The following RUNX1 variants were observed in gnomAD, a reference collection of about 807,000 sequenced individuals.
RUNX1 encodes the protein runt-related transcription factor 1.
In RUNX1, 19 loss-of-function variants were observed where a neutral mutation model predicts 42.8. The observed-to-expected ratio is 0.44, with a 90% CI of 0.31 to 0.65. The LOEUF (loss-of-function observed/expected upper bound fraction) is 0.65. Among genes scored for constraint, RUNX1 ranks in the 30% least tolerant of loss-of-function variants. RUNX1 has a pLI of 0.07. For missense variants in RUNX1, 528 were observed against 672.0 expected (o/e 0.79, Z 2.37); for synonymous variants, 271 against 289.4 (o/e 0.94, Z 0.64).
chr21:34,876,976 C>A (rs2057823223), intron 5 of RUNX1, among the ~76,000 whole-genome samples: 1 of 152,180 alleles, frequency 6.6e-6, no homozygotes, highest in African/African-American at 2.4e-5. Context: ...CCTGCCTCAT[C>A]CTCCTGAGTA....
At chr21:34,856,027 G>A (rs9984748) in intron 6 of RUNX1, among the ~76,000 whole-genome samples, 101 of 152,306 alleles carry the variant, frequency 6.6e-4, no homozygotes, top group African/African-American at 2.3e-3. Context: ...TAAGGGGCAG[G>A]TCCATTACTG....
intron 2 of RUNX1, among the ~76,000 whole-genome samples, chr21:34,968,796 T>C (rs1293804871): frequency 3.3e-5 from 5 of 152,254 alleles, no homozygotes; most frequent in African/African-American, 1.2e-4. Context: ...CCCTTTGTGA[T>C]TTGAAAGAAT....
intron 6 of RUNX1, among the ~76,000 whole-genome samples, chr21:34,856,017 T>C (rs1024833103): frequency 1.3e-5 from 2 of 152,238 alleles, no homozygotes; most frequent in Non-Finnish European, 2.9e-5. Flanking sequence ...TTTGATTTTC[T>C]AAGGGGCAGG....
At chr21:34,810,380 G>C (rs1195661473) in intron 7 of RUNX1, among the ~76,000 whole-genome samples, 5 of 152,180 alleles carry the variant, frequency 3.3e-5, no homozygotes. Flanking sequence ...AATAAAATCA[G>C]AAGAAAAACT....
chr21:34,924,123 A>G (rs149798049), intron 2 of RUNX1, among the ~76,000 whole-genome samples: 2 of 152,182 alleles, frequency 1.3e-5, no homozygotes, highest in South Asian at 2.1e-4. Context: ...CTCTTCCCCT[A>G]TGATGGCTAA....
intron 2 of RUNX1, among the ~76,000 whole-genome samples, chr21:34,937,418 A>G (rs1414110227): frequency 1.3e-5 from 2 of 151,286 alleles, no homozygotes; most frequent in East Asian, 1.9e-4. Context: ...AATCATGCCT[A>G]TAAGTTAATC....
At chr21:35,023,989 A>C (rs1223617586) in intron 2 of RUNX1, among the ~76,000 whole-genome samples, 3 of 150,308 alleles carry the variant, frequency 2.0e-5, no homozygotes, top group Non-Finnish European at 4.4e-5. Flanking sequence ...ACTAATTATA[A>C]ATATATATCA....
At chr21:34,900,064 A>C (rs1333524346) in intron 2 of RUNX1, among the ~76,000 whole-genome samples, 1 of 152,264 alleles carries the variant, frequency 6.6e-6, no homozygotes, top group Non-Finnish European at 1.5e-5. Flanking sequence ...AGTCATATAC[A>C]TAATTTAAGA....
At position 34,791,009 on chromosome 21, in the gene RUNX1, CCTT is replaced by C. The variant is rs1355387077; in HGVS notation, c.*1123_*1125del. 4.3e-6 allele frequency: 1 copy of C among 233,536 alleles called. No individual in the cohort carries two copies. The highest frequency in any genetic ancestry group is 5.6e-5 in the Admixed American group (1 of 17,782). The allele number at this position is 233,536 out of a possible 1,614,324, so 14.5% of individuals were successfully genotyped here. A position where few individuals can be genotyped will look rare whatever the true frequency, so the allele number is the denominator to read the frequency against. Reference sequence around the variant, plus strand: ...CCTCAACCCTCTGGAACTAGATTGACCTTCTCTGTTTTAAGGAGGAAGTTAGAT... The same window carrying C: ...CCTCAACCCTCTGGAACTAGATTGACCTCTGTTTTAAGGAGGAAGTTAGAT... On this transcript the variant is annotated 3_prime_UTR_variant, in exon 9 of 9. Transcript: ENST00000675419.
In RUNX1 at chr21:34,933,788, C is replaced by A. The variant is rs2146605601; in HGVS notation, c.59-40825G>T. 1.3e-5 allele frequency among the ~76,000 whole-genome samples: 2 copies of A among 152,308 alleles called. 1 individual carries two copies. The highest frequency in any genetic ancestry group is 4.1e-4 in the South Asian group (2 of 4,828). ...CTGGGAGTTTGTCTTGCTTCTGGGT[C>A]TGGGTGGCCTTGGAAATGGGGCAAA... On this transcript the variant is annotated intron_variant, in intron 2 of 8. Coordinates refer to ENST00000675419, the MANE Select transcript of RUNX1 (RefSeq NM_001754.5).
rs190841360 is a variant in RUNX1 at position 34,971,167 on chromosome 21, G to C, written c.58+77675C>G. On this transcript the variant is annotated intron_variant, in intron 2 of 8. Coordinates refer to ENST00000675419, the MANE Select transcript of RUNX1 (RefSeq NM_001754.5). Reference sequence around the variant, plus strand: ...ATCTACAGTTTGAATTGACTTATTAGTATTAGGCTCCTAGAGCTATGAAGA... The same window carrying C: ...ATCTACAGTTTGAATTGACTTATTACTATTAGGCTCCTAGAGCTATGAAGA... 2.3e-3 allele frequency among the ~76,000 whole-genome samples: 348 copies of C among 152,256 alleles called. 1 individual carries two copies. The highest frequency in any genetic ancestry group is 4.2e-3 in the Non-Finnish European group (284 of 68,012).
chr21:35,038,687 G>A (rs1254689265), intron 2 of RUNX1: 1 of 455,546 alleles, frequency 2.2e-6, no homozygotes. Context: ...TATTTCTCCT[G>A]AGAGGCCACT....
intron 2 of RUNX1, among the ~76,000 whole-genome samples, chr21:34,943,159 C>T (rs554410766): frequency 9.8e-5 from 15 of 152,314 alleles, no homozygotes; most frequent in East Asian, 3.9e-4. Flanking sequence ...AGCACAAATG[C>T]TTCAGTGAAA....
Position 34,907,359 on chromosome 21 carries a change from A to G in RUNX1, c.59-14396T>C, listed in dbSNP as rs139044163. Among the ~76,000 whole-genome samples, 5 of 152,316 alleles carry G rather than the reference A, an allele frequency of 3.3e-5. No individual in the cohort carries two copies. Among genetic ancestry groups the G allele is most frequent in the African/African-American group, 1.2e-4 (5 of 41,570 alleles). On this transcript the variant is annotated intron_variant, in intron 2 of 8. Transcript: ENST00000675419. The surrounding 1 kb of genome is among the most constrained non-coding windows in gnomAD (Gnocchi z 5.3). ...CATAGATTGGTTGTTAATAATAATAATAACAAAAGCAAGGTAAGAAGAAGA... is the reference window on the plus strand; with the variant it reads ...CATAGATTGGTTGTTAATAATAATAGTAACAAAAGCAAGGTAAGAAGAAGA...
At chr21:34,818,355 TA>T (rs1259190385) in intron 7 of RUNX1, among the ~76,000 whole-genome samples, 1 of 152,322 alleles carries the variant, frequency 6.6e-6, no homozygotes, top group East Asian at 1.9e-4. Flanking sequence ...AGAAGTTTAT[TA>T]AATAAGAGCG....
At chr21:34,874,631 A>AAAAAAAAAAAAC in intron 5 of RUNX1, among the ~76,000 whole-genome samples, 1 of 147,956 alleles carries the variant, frequency 6.8e-6, no homozygotes, top group Non-Finnish European at 1.5e-5. Flanking sequence ...AAAAAAAAAA[A>AAAAAAAAAAAAC]AAAAGACAGT....
intron 2 of RUNX1, among the ~76,000 whole-genome samples, chr21:34,979,709 G>A (rs957941915): frequency 6.6e-6 from 1 of 152,210 alleles, no homozygotes; most frequent in African/African-American, 2.4e-5. Context: ...TTTCACGTCT[G>A]TTTTAAAGTC....
At chr21:34,838,039 C>T (rs1248954118) in intron 6 of RUNX1, among the ~76,000 whole-genome samples, 1 of 152,148 alleles carries the variant, frequency 6.6e-6, no homozygotes, top group Non-Finnish European at 1.5e-5. Flanking sequence ...TTACTTCATT[C>T]CAAAGGCATT....
At chr21:34,975,286 T>C (rs746764682) in intron 2 of RUNX1, among the ~76,000 whole-genome samples, 2 of 152,262 alleles carry the variant, frequency 1.3e-5, no homozygotes, top group Non-Finnish European at 2.9e-5. Context: ...AGCTCTGCTC[T>C]GCTTCTATGG....
Sources: gnomAD v4.1 joint callset for allele counts (sites outside exome capture counted in the v4.1 genomes callset) on GRCh38, gnomAD v4.1.1 for gene constraint, Gnocchi (gnomAD v3.1) non-coding constraint, MANE v1.5 for transcripts, NCBI Gene and HGNC (gene_info 2026-07-23, HGNC 2026-07-21) for gene names.